SPG11: variants seen among roughly 807,000 people sequenced by gnomAD.
The protein encoded by SPG11 is SPG11 vesicle trafficking associated, spatacsin, also known as spatacsin.
A neutral mutation model predicts 274.0 loss-of-function variants in SPG11; 222 were observed. The ratio of observed to expected loss-of-function variants is 0.81; its 90% CI spans 0.73 to 0.91. SPG11 has a LOEUF of 0.91. SPG11 is among the 40% of genes least tolerant of loss of function. The probability of loss-of-function intolerance (pLI) is 0.00; values close to 1 mark genes in which losing one functional copy is unlikely to be tolerated. For synonymous variants in SPG11, 1,144 were observed against 1,039.7 expected, an observed-to-expected ratio of 1.10 and a Z score of -1.93; for missense variants, 3,114 against 2,872.7, an observed-to-expected ratio of 1.08 and a Z score of -1.92.
chr15:44,659,036 T>C, intron 3 of SPG11, 43 bp downstream of exon 3: 1 of 1,580,824 alleles, frequency 6.3e-7, no homozygotes, highest in Non-Finnish European at 8.7e-7. Flanking sequence ...ATAGGTGTTC[T>C]TCTCCTCTAC....
rs766281666 is a variant in SPG11 at position 44,615,565 on chromosome 15, T to C, written c.2836A>G (p.Asn946Asp). The C allele has an allele frequency of 6.2e-7, 1 of 1,613,802 alleles. No individual in the cohort carries two copies. Among genetic ancestry groups the C allele is most frequent in the Admixed American group, 1.7e-5 (1 of 60,010 alleles). ...AGTTCAGATGCCAAAAAAACCCCAT[T>C]CCTATGGACAGATTTATAGGATGTC... The part of the protein sequence containing the change: ...RNEILDKLAR[N>D]GVFLASELED... The change falls in exon 16 of 40, where the codon AAT becomes GAT. Residue 946 changes from asparagine to aspartate, a missense_variant and splice_region_variant. By Grantham distance (23) the Asn-to-Asp change is conservative. Transcript: ENST00000261866.
At chr15:44,594,625 T>C (rs2140968183) in intron 26 of SPG11, among the ~76,000 whole-genome samples, 1 of 129,834 alleles carries the variant, frequency 7.7e-6, no homozygotes, top group Non-Finnish European at 1.6e-5. Flanking sequence ...AAGCCAGGCA[T>C]GGTGGTGTGT....
At chr15:44,632,709 A>C (rs1224609437) in intron 8 of SPG11, among the ~76,000 whole-genome samples, 2 of 151,916 alleles carry the variant, frequency 1.3e-5, no homozygotes, top group African/African-American at 4.8e-5. Flanking sequence ...GGGTCTTGCT[A>C]TGTTCCCCAG....
intron 21 of SPG11, 104 bp downstream of exon 21, chr15:44,600,363 C>T: frequency 1.5e-6 from 2 of 1,294,552 alleles, no homozygotes; most frequent in Non-Finnish European, 2.2e-6. Context: ...TAGCTCACTG[C>T]TTCCTTGAAC....
At chr15:44,569,360 A>G (rs1302915007) in intron 35 of SPG11, 38 bp downstream of exon 35, 2 of 1,384,496 alleles carry the variant, frequency 1.4e-6, no homozygotes, top group Non-Finnish European at 2.0e-6. Flanking sequence ...AATTATCAGC[A>G]GTACACCCCA....
rs1174925032 is a variant in SPG11 at position 44,663,542 on chromosome 15, C to T, written c.106G>A (p.Glu36Lys). 2 of 1,597,782 alleles carry T rather than the reference C, an allele frequency of 1.3e-6. No individual in the cohort carries two copies. The highest frequency in any genetic ancestry group is 1.7e-6 in the Non-Finnish European group (2 of 1,173,228). Residue 36 changes from glutamate (E) to lysine (K), a missense_variant, in exon 1 of 40, where the codon GAG becomes AAG. Transcript: ENST00000261866. ...CGGGAGCCGAGCTGCCCCATCGCCT[C>T]GGCGGGGACTGGCACCAACAGCATC... ...LPMLLVPVPA[E>K]AMGQLGSRAQ...
chr15:44,645,476 AT>A (rs1567186319), intron 7 of SPG11, among the ~76,000 whole-genome samples: 1 of 152,224 alleles, frequency 6.6e-6, no homozygotes, highest in East Asian at 1.9e-4. Flanking sequence ...CTCAAGTTTG[AT>A]TAAAGACTTA....
chr15:44,643,142 C>A (rs1032086195), intron 7 of SPG11, among the ~76,000 whole-genome samples: 14 of 152,164 alleles, frequency 9.2e-5, no homozygotes. Context: ...GACATGTGCA[C>A]TGTTTAAGGG....
intron 20 of SPG11, among the ~76,000 whole-genome samples, chr15:44,601,916 A>G (rs540282104): frequency 6.6e-6 from 1 of 152,252 alleles, no homozygotes; most frequent in South Asian, 2.1e-4. Flanking sequence ...TGATAGTTTA[A>G]TATGTACAGA....
At chr15:44,624,963 C>T (rs968328883) in intron 11 of SPG11, among the ~76,000 whole-genome samples, 6 of 151,906 alleles carry the variant, frequency 3.9e-5, no homozygotes, top group East Asian at 1.9e-4. Context: ...GGAGAAACCC[C>T]GTCTCTGCTA....
At chr15:44,606,818 T>C (rs1278308545) in intron 19 of SPG11, among the ~76,000 whole-genome samples, 2 of 152,280 alleles carry the variant, frequency 1.3e-5, no homozygotes, top group South Asian at 2.1e-4. Flanking sequence ...CTAAAAAAAT[T>C]AAATCAGTCC....
intron 1 of SPG11, among the ~76,000 whole-genome samples, chr15:44,662,539 A>T (rs2085142924): frequency 6.6e-6 from 1 of 151,238 alleles, no homozygotes; most frequent in African/African-American, 2.4e-5. Context: ...CTGGTGGTGC[A>T]CGCCTGTAGT....
chr15:44,636,958 C>CAAAA (rs1328250311), intron 7 of SPG11, among the ~76,000 whole-genome samples: 6 of 89,116 alleles, frequency 6.7e-5, no homozygotes, highest in South Asian at 7.1e-4. Context: ...AAAAAAAAAA[C>CAAAA]AAAAAAAAAA....
intron 8 of SPG11, among the ~76,000 whole-genome samples, chr15:44,632,495 A>AAAAGCAG (rs1323162317): frequency 6.6e-6 from 1 of 152,150 alleles, no homozygotes; most frequent in African/African-American, 2.4e-5. Context: ...AATATGGCAA[A>AAAAGCAG]AAAGCAGAGA....
rs959879740 is a variant in SPG11, at chr15:44,638,102, T to A, written c.1603-4465A>T. 4.6e-5 allele frequency among the ~76,000 whole-genome samples: 7 copies of A among 152,300 alleles called. No individual in the cohort carries two copies. In the East Asian group the frequency reaches 1.3e-3, roughly 29 times the overall value. ...AAATAAAACACAACAATAACATGAA[T>A]AGGCTATGAGTAAATGAAGTTAAAG... On this transcript the variant is annotated intron_variant, in intron 7 of 39. Coordinates refer to ENST00000261866, the MANE Select transcript of SPG11 (RefSeq NM_025137.4).
intron 30 of SPG11, among the ~76,000 whole-genome samples, chr15:44,580,561 G>T (rs527629027): frequency 2.7e-4 from 41 of 152,212 alleles, no homozygotes; most frequent in Non-Finnish European, 5.3e-4. Flanking sequence ...GGCAGATCAC[G>T]AGGTCAAGAG....
chr15:44,633,519 T>TG lies in SPG11; in HGVS notation c.1720dup (p.His574ProfsTer22). 6.3e-7 allele frequency: 1 copy of TG among 1,596,814 alleles called. No individual in the cohort carries two copies. The highest frequency in any genetic ancestry group is 8.6e-7 in the Non-Finnish European group (1 of 1,167,662). The stretch of plus-strand genomic sequence containing the variant: ...ATTCCACTTACTTCTTAAATATAAA[T>TG]GGGATGACAAGTGATCAAACTGATC... On this transcript the variant is annotated frameshift_variant, in exon 8 of 40. Coordinates refer to ENST00000261866, the MANE Select transcript of SPG11 (RefSeq NM_025137.4). LOFTEE classifies it high-confidence loss of function.
chr15:44,623,421 T>G (rs1595892307), intron 11 of SPG11, among the ~76,000 whole-genome samples: 1 of 152,030 alleles, frequency 6.6e-6, no homozygotes, highest in Non-Finnish European at 1.5e-5. Context: ...GCAAACAACA[T>G]CCCTTTTACA....
chr15:44,579,590 G>A (rs1458000130), intron 30 of SPG11, among the ~76,000 whole-genome samples: 1 of 148,006 alleles, frequency 6.8e-6, no homozygotes, highest in Non-Finnish European at 1.5e-5. Flanking sequence ...GAAAAGATGA[G>A]ATGCTAGCTA....
Sources: gnomAD v4.1 joint callset for allele counts (sites outside exome capture counted in the v4.1 genomes callset) on GRCh38, gnomAD v4.1.1 for gene constraint, MANE v1.5 for transcripts, NCBI Gene and HGNC (gene_info 2026-07-23, HGNC 2026-07-21) for gene names.